The following ZNF729 variants were observed in gnomAD, a reference collection of about 807,000 sequenced individuals.
ZNF729 encodes the protein zinc finger protein 729.
Under a neutral mutation model 12.2 loss-of-function variants are expected in ZNF729, and 15 were observed. That is an observed-to-expected ratio of 1.23 (90% confidence interval 0.82 to 1.89). ZNF729 has a LOEUF of 1.89. Among genes scored for constraint, ZNF729 ranks in the 40% most tolerant of loss-of-function variants. ZNF729 has a pLI of 0.00. For missense variants in ZNF729, 1,540 were observed against 1,456.7 expected, an observed-to-expected ratio of 1.06 and a Z score of -0.93; for synonymous variants, 492 against 476.3, an observed-to-expected ratio of 1.03 and a Z score of -0.43.
At chr19:22,306,829 CT>C (rs549605555) in intron 3 of ZNF729, among the ~76,000 whole-genome samples, 22 of 151,340 alleles carry the variant, frequency 1.5e-4, no homozygotes, top group Admixed American at 1.1e-3. Context: ...GGTTTCTGCA[CT>C]ATTATTATAG....
At chr19:22,307,796 CTG>C (rs1205542667) in intron 3 of ZNF729, among the ~76,000 whole-genome samples, 18 of 92,174 alleles carry the variant, frequency 2.0e-4, no homozygotes, top group South Asian at 3.4e-4. Flanking sequence ...TTGGAAAGCT[CTG>C]TGTTTTTTTT....
In ZNF729 at chr19:22,312,440, T is replaced by TTGTGTGTATGTGTGTGTGTG. The variant is rs756607431; in HGVS notation, c.254-1224_254-1223insATGTGTGTGTGTGTGTGTGT. Among the ~76,000 whole-genome samples, 172 of 144,672 alleles carry TTGTGTGTATGTGTGTGTGTG rather than the reference T, an allele frequency of 1.2e-3. 1 individual carries two copies. Among genetic ancestry groups the TTGTGTGTATGTGTGTGTGTG allele is most frequent in the African/African-American group, 4.3e-3 (165 of 38,114 alleles). 94.9% of individuals were successfully genotyped at this position (144,672 alleles called of 152,430 possible). ...TTCTTAGAATGTGTCTTGTCTGAAA[T>TTGTGTGTATGTGTGTGTGTG]TGTGTGTGTGTGTGTGTGTGTGTGT... On this transcript the variant is annotated intron_variant, in intron 3 of 3. Coordinates refer to ENST00000601693, the MANE Select transcript of ZNF729 (RefSeq NM_001242680.2).
intron 1 of ZNF729, among the ~76,000 whole-genome samples, chr19:22,289,135 T>C (rs1409941298): frequency 6.6e-6 from 1 of 151,906 alleles, no homozygotes; most frequent in Non-Finnish European, 1.5e-5. Context: ...TTAGTAGGGA[T>C]TGAAAGAAAG....
intron 1 of ZNF729, among the ~76,000 whole-genome samples, chr19:22,291,896 G>A (rs58600441): frequency 0.022 from 3,340 of 152,114 alleles, 108 homozygotes; most frequent in African/African-American, 0.076. Context: ...ACCACGCCCC[G>A]CTAATTTTTG....
At chr19:22,295,843 A>C (rs1191849838) in intron 1 of ZNF729, among the ~76,000 whole-genome samples, 1 of 152,184 alleles carries the variant, frequency 6.6e-6, no homozygotes, top group African/African-American at 2.4e-5. Flanking sequence ...GAAGGCTGAT[A>C]AATTTTATTG....
intron 3 of ZNF729, among the ~76,000 whole-genome samples, chr19:22,307,781 A>G (rs1320498698): frequency 2.7e-5 from 4 of 146,836 alleles, no homozygotes; most frequent in African/African-American, 2.5e-5. Context: ...TTATTACATC[A>G]AAATTTGGAA....
intron 1 of ZNF729, among the ~76,000 whole-genome samples, chr19:22,292,179 G>C (rs1210967149): frequency 4.6e-5 from 7 of 152,130 alleles, no homozygotes; most frequent in African/African-American, 1.4e-4. Flanking sequence ...TTATTTTTCT[G>C]ATCCTCTTTG....
rs1968549421 is a variant in ZNF729, at chr19:22,316,700, A to G, written c.3283A>G (p.Lys1095Glu). Residue 1095 changes from lysine to glutamate, a missense_variant, in exon 4 of 4, where the codon AAG (lysine) becomes GAG (glutamate). Lys to Glu is a moderately conservative substitution (Grantham distance 56). Transcript: ENST00000601693. ...FKHFSALRKHKVIHTGKKPYQ... is the reference protein window; with the variant it reads ...FKHFSALRKHEVIHTGKKPYQ... Reference sequence around the variant, plus strand: ...GCATTTCTCAGCCCTTAGAAAACATAAGGTAATTCATACTGGAAAGAAACC... The same window carrying G: ...GCATTTCTCAGCCCTTAGAAAACATGAGGTAATTCATACTGGAAAGAAACC... 2.5e-6 allele frequency: 4 copies of G among 1,612,848 alleles called. No individual in the cohort carries two copies. Among genetic ancestry groups the G allele is most frequent in the Non-Finnish European group, 2.5e-6 (3 of 1,179,754 alleles).
intron 1 of ZNF729, among the ~76,000 whole-genome samples, chr19:22,287,617 T>C (rs1214557178): frequency 6.6e-6 from 1 of 151,972 alleles, no homozygotes; most frequent in East Asian, 1.9e-4. Flanking sequence ...CACCTCAGTC[T>C]AATTGCCTGC....
chr19:22,316,551 A>G lies in ZNF729; in HGVS notation c.3134A>G (p.Glu1045Gly). 6 of 1,613,746 alleles carry G rather than the reference A, an allele frequency of 3.7e-6. No individual in the cohort carries two copies. The highest frequency in any genetic ancestry group is 5.1e-6 in the Non-Finnish European group (6 of 1,179,794). Residue 1045 changes from glutamate to glycine, a missense_variant, in exon 4 of 4, where the codon GAG becomes GGG. By Grantham distance (98) the Glu-to-Gly change is moderately conservative (BLOSUM62 -2). Transcript: ENST00000601693. ...LMKHKIIHTGEKPYKCEECGK... is the reference protein window; with the variant it reads ...LMKHKIIHTGGKPYKCEECGK... The stretch of plus-strand genomic sequence containing the variant: ...AAACATAAGATAATTCATACTGGGG[A>G]GAAACCCTACAAATGTGAAGAATGT...
intron 1 of ZNF729, among the ~76,000 whole-genome samples, chr19:22,291,796 C>T (rs1180763714): frequency 3.3e-5 from 5 of 152,168 alleles, no homozygotes; most frequent in South Asian, 2.1e-4. Context: ...TGCAGTGGCA[C>T]GATCTCGGCT....
intron 1 of ZNF729, among the ~76,000 whole-genome samples, chr19:22,297,182 T>C (rs1341482796): frequency 5.3e-5 from 8 of 152,204 alleles, no homozygotes; most frequent in African/African-American, 1.7e-4. Context: ...TGAGGTCTTT[T>C]AGCCTTCTAC....
intron 1 of ZNF729, among the ~76,000 whole-genome samples, chr19:22,287,661 C>T (rs1489868059): frequency 6.9e-6 from 1 of 144,152 alleles, no homozygotes; most frequent in East Asian, 2.0e-4. Flanking sequence ...TCACACTCCT[C>T]GGAGGACTGA....
chr19:22,301,966 G>T (rs1968312801), intron 1 of ZNF729, among the ~76,000 whole-genome samples: 1 of 152,310 alleles, frequency 6.6e-6, no homozygotes, highest in Non-Finnish European at 1.5e-5. Context: ...TCATCATTGG[G>T]TCATTAGCCC....
rs980797506 is a variant in ZNF729, at chr19:22,295,040, G to A, written c.30+8485G>A. On this transcript the variant is annotated intron_variant, in intron 1 of 3. Transcript: ENST00000601693. ...TGGTTAGGTGTACTCCTAGATATTTGTGTGTGTGTGTGTGTGTGTGTGTGT... is the reference window on the plus strand; with the variant it reads ...TGGTTAGGTGTACTCCTAGATATTTATGTGTGTGTGTGTGTGTGTGTGTGT... Among the ~76,000 whole-genome samples, 3 of 120,340 alleles carry A rather than the reference G, an allele frequency of 2.5e-5. No homozygotes were observed. The East Asian group carries it at 6.6e-4, about 27-fold the overall frequency. 78.9% of individuals were successfully genotyped at this position (120,340 alleles called of 152,430 possible). A position where few individuals can be genotyped will look rare whatever the true frequency, so the allele number is the denominator to read the frequency against.
At chr19:22,294,187 T>A (rs1968193125) in intron 1 of ZNF729, among the ~76,000 whole-genome samples, 1 of 152,256 alleles carries the variant, frequency 6.6e-6, no homozygotes, top group African/African-American at 2.4e-5. Flanking sequence ...TTCTACACAG[T>A]GCTAGGTGTT....
intron 1 of ZNF729, among the ~76,000 whole-genome samples, chr19:22,294,462 T>C (rs1343581624): frequency 6.6e-6 from 1 of 152,146 alleles, no homozygotes; most frequent in East Asian, 1.9e-4. Context: ...CTTTTTTCCT[T>C]CCATATGAAT....
intron 1 of ZNF729, among the ~76,000 whole-genome samples, chr19:22,302,853 A>G (rs112274801): frequency 0.03 from 3,342 of 112,650 alleles, 109 homozygotes; most frequent in African/African-American, 0.1. Flanking sequence ...GCAGTGGCGC[A>G]ATCTCAGCTC....
At chr19:22,304,452 TAC>T (rs1028175373) in intron 2 of ZNF729, among the ~76,000 whole-genome samples, 8 of 152,328 alleles carry the variant, frequency 5.3e-5, no homozygotes, top group Non-Finnish European at 1.0e-4. Context: ...TGGCATAAAA[TAC>T]AGTTGCCACA....
Sources: allele counts gnomAD v4.1 joint callset (sites outside exome capture counted in the v4.1 genomes callset), GRCh38; gene constraint gnomAD v4.1.1; transcripts MANE v1.5; gene names NCBI Gene and HGNC (gene_info 2026-07-23, HGNC 2026-07-21).